The following FNIP2 variants were observed in gnomAD, a reference collection of about 807,000 sequenced individuals.
FNIP2 encodes folliculin-interacting protein 2.
Under a neutral mutation model 108.7 loss-of-function variants are expected in FNIP2, and 32 were observed. The observed-to-expected ratio is 0.29, with a 90% CI of 0.22 to 0.40. The LOEUF (loss-of-function observed/expected upper bound fraction) is 0.40, where lower values mean the gene tolerates loss of function less well. FNIP2 is among the 10% of genes least tolerant of loss of function. The probability of loss-of-function intolerance (pLI) is 1.00; values close to 1 mark genes in which losing one functional copy is unlikely to be tolerated. For missense variants in FNIP2, 1,202 were observed against 1,381.6 expected, an observed-to-expected ratio of 0.87 and a Z score of 2.06; for synonymous variants, 480 against 496.7, an observed-to-expected ratio of 0.97 and a Z score of 0.45.
chr4:158,794,639 C>T (rs917886194), intron 1 of FNIP2: 1 of 152,334 alleles, frequency 6.6e-6, no homozygotes, highest in African/African-American at 2.4e-5. Flanking sequence ...GTGCAGAGGC[C>T]CTGCTAATCT....
chr4:158,887,871 G>T (rs375574319), intron 14 of FNIP2, among the ~76,000 whole-genome samples: 1 of 151,532 alleles, frequency 6.6e-6, no homozygotes, highest in African/African-American at 2.4e-5. Flanking sequence ...TGAAAACTTA[G>T]AGATTGACTG....
At chr4:158,794,041 A>T (rs1194539360) in intron 1 of FNIP2, among the ~76,000 whole-genome samples, 4 of 152,238 alleles carry the variant, frequency 2.6e-5, no homozygotes, top group African/African-American at 9.6e-5. Flanking sequence ...TTGAAGACCT[A>T]GAATGAAATA....
chr4:158,881,567 C>T (rs993274974), intron 14 of FNIP2, among the ~76,000 whole-genome samples: 49 of 149,386 alleles, frequency 3.3e-4, no homozygotes, highest in African/African-American at 9.9e-4. Context: ...TCTCCTGCCT[C>T]AGCCTGCCAA....
At chr4:158,782,634 C>T (rs1047407818) in intron 1 of FNIP2, among the ~76,000 whole-genome samples, 2 of 151,662 alleles carry the variant, frequency 1.3e-5, no homozygotes, top group African/African-American at 4.8e-5. Flanking sequence ...AAATTCCAGA[C>T]TTATTGCGAG....
intron 7 of FNIP2, among the ~76,000 whole-genome samples, chr4:158,850,893 C>T (rs1779660959): frequency 6.6e-6 from 1 of 151,710 alleles, no homozygotes; most frequent in Non-Finnish European, 1.5e-5. Context: ...GTAATATGGG[C>T]CTGCTAATTT....
chr4:158,840,128 T>C (rs1779041523), intron 7 of FNIP2, among the ~76,000 whole-genome samples: 1 of 152,034 alleles, frequency 6.6e-6, no homozygotes, highest in African/African-American at 2.4e-5. Context: ...GGACACAGGT[T>C]ATGGAGGAGG....
intron 1 of FNIP2, among the ~76,000 whole-genome samples, chr4:158,804,547 G>A (rs1776873436): frequency 6.6e-6 from 1 of 151,660 alleles, no homozygotes; most frequent in African/African-American, 2.4e-5. Flanking sequence ...TAAGTAGCTG[G>A]GACTACAGGC....
rs1482339864 is a variant in FNIP2 at position 158,868,239 on chromosome 4, C to T, written c.1603C>T (p.Leu535=). Residue 535 remains leucine (L), a synonymous_variant, in exon 13 of 17, where the codon CTG becomes TTG. Coordinates refer to ENST00000264433, the MANE Select transcript of FNIP2 (RefSeq NM_020840.3). The surrounding 1 kb of genome is among the most constrained non-coding windows in gnomAD (Gnocchi z 4.6). The part of the protein sequence containing the change: ...LRCSELQENQ[L]TWSGNHGEGD... ...TTGCTCTGAGCTACAAGAGAACCAG[C>T]TGACCTGGAGTGGCAATCATGGTGA... 1 of 1,613,950 alleles carries T rather than the reference C, an allele frequency of 6.2e-7. No homozygotes were observed. The highest frequency in any genetic ancestry group is 8.5e-7 in the Non-Finnish European group (1 of 1,179,904).
chr4:158,817,369 A>G (rs1487018531), intron 1 of FNIP2, among the ~76,000 whole-genome samples: 2 of 152,228 alleles, frequency 1.3e-5, no homozygotes, highest in Non-Finnish European at 2.9e-5. Context: ...TTTAAGGGAT[A>G]CCATGTAGTA....
chr4:158,778,851 G>C (rs1225253194), intron 1 of FNIP2, among the ~76,000 whole-genome samples: 3 of 152,176 alleles, frequency 2.0e-5, no homozygotes, highest in South Asian at 2.1e-4. Flanking sequence ...TGTTAGAAAT[G>C]GTGAACTTCC....
intron 15 of FNIP2, among the ~76,000 whole-genome samples, chr4:158,895,245 C>T (rs922455808): frequency 4.6e-5 from 7 of 152,162 alleles, no homozygotes; most frequent in East Asian, 1.9e-4. Context: ...GACCTGTTCC[C>T]GTCAGTCTCC....
chr4:158,807,889 T>A (rs999308018), intron 1 of FNIP2, among the ~76,000 whole-genome samples: 9 of 152,206 alleles, frequency 5.9e-5, no homozygotes, highest in Non-Finnish European at 1.0e-4. Context: ...ATATGGTACA[T>A]TAGAAAAATA....
intron 14 of FNIP2, chr4:158,871,490 A>G: frequency 2.0e-6 from 2 of 985,328 alleles, no homozygotes; most frequent in Non-Finnish European, 2.4e-6. Flanking sequence ...AACATCAGGC[A>G]CAGGCTAAAC....
chr4:158,796,406 CTTA>C (rs34716784), intron 1 of FNIP2, among the ~76,000 whole-genome samples: 43,914 of 151,800 alleles, frequency 0.29, 7,040 homozygotes, highest in Non-Finnish European at 0.38. Flanking sequence ...TGTTCTAGAG[CTTA>C]TTGTTCCCAA....
chr4:158,904,625 T>TGTCAAAAGCATGAG lies in FNIP2; in HGVS notation c.*82_*95dup, dbSNP rs1203564207. 2 of 1,239,706 alleles carry TGTCAAAAGCATGAG rather than the reference T, an allele frequency of 1.6e-6. No individual in the cohort carries two copies. Among genetic ancestry groups the TGTCAAAAGCATGAG allele is most frequent in the Non-Finnish European group, 2.3e-6 (2 of 859,526 alleles). 76.8% of individuals were successfully genotyped at this position (1,239,706 alleles called of 1,614,324 possible). On this transcript the variant is annotated 3_prime_UTR_variant, in exon 17 of 17. Transcript: ENST00000264433. ...GGAGAAAGGAATAAGCTCTCTGTGA[T>TGTCAAAAGCATGAG]GTCAAAAGCATGAGAAGAGCAAACA...
chr4:158,880,730 G>A (rs965188496), intron 14 of FNIP2, among the ~76,000 whole-genome samples: 4 of 152,168 alleles, frequency 2.6e-5, no homozygotes, highest in African/African-American at 9.7e-5. Flanking sequence ...TTTAAAAACT[G>A]GTCTACAATT....
intron 1 of FNIP2, among the ~76,000 whole-genome samples, chr4:158,778,038 A>G (rs1469036222): frequency 6.6e-6 from 1 of 152,234 alleles, no homozygotes; most frequent in African/African-American, 2.4e-5. Flanking sequence ...TCATTTTGCT[A>G]AAAGTTGCTT....
At chr4:158,899,269 T>C (rs1782981383) in intron 16 of FNIP2, among the ~76,000 whole-genome samples, 1 of 152,214 alleles carries the variant, frequency 6.6e-6, no homozygotes, top group South Asian at 2.1e-4. Flanking sequence ...ATTGAGGATT[T>C]TTGCATTGAT....
At chr4:158,831,305 G>A (rs539069775) in intron 3 of FNIP2, among the ~76,000 whole-genome samples, 27 of 152,268 alleles carry the variant, frequency 1.8e-4, no homozygotes, top group African/African-American at 4.8e-4. Context: ...GGTTGGTAAA[G>A]GCATGAGAAA....
Sources: allele counts gnomAD v4.1 joint callset (sites outside exome capture counted in the v4.1 genomes callset), GRCh38; gene constraint gnomAD v4.1.1; non-coding constraint Gnocchi (gnomAD v3.1); transcripts MANE v1.5; gene names NCBI Gene and HGNC (gene_info 2026-07-23, HGNC 2026-07-21).